The following DUSP9 variants were observed in gnomAD, a reference collection of about 807,000 sequenced individuals.
The protein encoded by DUSP9 is dual specificity phosphatase 9, also known as dual specificity protein phosphatase 9.
DUSP9 carries 4 observed loss-of-function variants against 13.2 expected under a neutral mutation model. The observed-to-expected ratio is 0.30, with a 90% CI of 0.15 to 0.69. The LOEUF (loss-of-function observed/expected upper bound fraction) is 0.69, where lower values mean the gene tolerates loss of function less well. Among genes scored for constraint, DUSP9 ranks in the 30% least tolerant of loss-of-function variants. The pLI is 0.73. For synonymous variants in DUSP9, 166 were observed against 172.3 expected (o/e 0.96, Z 0.29); for missense variants, 263 against 355.0 (o/e 0.74, Z 2.08).
Position 153,650,521 on chromosome X carries a change from G to C in DUSP9, c.*216G>C, listed in dbSNP as rs2091211530. 2.4e-6 allele frequency: 1 copy of C among 412,671 alleles called. No individual in the cohort carries two copies. Among genetic ancestry groups the C allele is most frequent in the African/African-American group, 2.5e-5 (1 of 40,336 alleles). 34.0% of individuals were successfully genotyped at this position (412,671 alleles called of 1,213,427 possible). On this transcript the variant is annotated 3_prime_UTR_variant, in exon 4 of 4. Coordinates refer to ENST00000342782, the MANE Select transcript of DUSP9 (RefSeq NM_001318503.2). ...CTTCTGCGACTGTTACTTTTTCTTT[G>C]CGGGATGGGGGTGGGGGTTCCCTCT...
chrX:153,644,418 G>T (rs1248075473), upstream of DUSP9, among the ~76,000 whole-genome samples: 1 of 107,502 alleles, frequency 9.3e-6, no homozygotes, highest in African/African-American at 3.3e-5. Context: ...GCCTCCCCCA[G>T]CACAGCGCAC....
chrX:153,647,735 A>G (rs1439577472), intron 1 of DUSP9, 184 bp from the exon 2 acceptor site: 4 of 299,321 alleles, frequency 1.3e-5, no homozygotes, highest in Non-Finnish European at 2.3e-5. Flanking sequence ...TTAGCCGCTC[A>G]GCCCTCTTCT....
upstream of DUSP9, among the ~76,000 whole-genome samples, chrX:153,642,836 C>T (rs1053043011): frequency 3.6e-5 from 4 of 110,179 alleles, no homozygotes; most frequent in Non-Finnish European, 7.6e-5. Flanking sequence ...CGGCTGCACA[C>T]TCGCGCGCAT....
chrX:153,648,448 T>C, intron 2 of DUSP9, 122 bp downstream of exon 2: 4 of 838,114 alleles, frequency 4.8e-6, no homozygotes, highest in Non-Finnish European at 6.2e-6. Flanking sequence ...CCAGGCTGCT[T>C]TGAGAGGAGG....
chrX:153,648,476 G>T (rs950449119), intron 2 of DUSP9, 150 bp downstream of exon 2: 1 of 696,190 alleles, frequency 1.4e-6, no homozygotes, highest in Non-Finnish European at 1.9e-6. Context: ...GAGTGTGACC[G>T]TGGGGAAGTT....
chrX:153,647,041 C>T (rs1181950005), upstream of DUSP9, among the ~76,000 whole-genome samples: 1 of 112,664 alleles, frequency 8.9e-6, no homozygotes, highest in Non-Finnish European at 1.9e-5. Context: ...TCTGCCCCGA[C>T]CCCGTCCCGC....
chrX:153,650,576 C>T lies in DUSP9; in HGVS notation c.*271C>T. The T allele has an allele frequency of 2.8e-6, 1 of 351,561 alleles. No individual in the cohort carries two copies. Among genetic ancestry groups the T allele is most frequent in the African/African-American group, 2.6e-5 (1 of 38,918 alleles). 29.0% of individuals were successfully genotyped at this position (351,561 alleles called of 1,213,427 possible). On this transcript the variant is annotated 3_prime_UTR_variant, in exon 4 of 4. Coordinates refer to ENST00000342782, the MANE Select transcript of DUSP9 (RefSeq NM_001318503.2). ...GTGGTTGTCCAGGCCCAGGTCCCGGCCCTGGGTGCTCAGCCAGCTCGGCTA... is the reference window on the plus strand; with the variant it reads ...GTGGTTGTCCAGGCCCAGGTCCCGGTCCTGGGTGCTCAGCCAGCTCGGCTA...
Position 153,650,442 on chromosome X carries a change from G to C in DUSP9, c.*137G>C, listed in dbSNP as rs1235266662. On this transcript the variant is annotated 3_prime_UTR_variant, in exon 4 of 4. Coordinates refer to ENST00000342782, the MANE Select transcript of DUSP9 (RefSeq NM_001318503.2). The stretch of plus-strand genomic sequence containing the variant: ...GGGGGGAGAGCGCAATACCTCACGC[G>C]GGCTGCCGTCCTAATCAACGTGCCT... 2.1e-6 allele frequency: 1 copy of C among 477,461 alleles called. No individual in the cohort carries two copies. The highest frequency in any genetic ancestry group is 3.5e-6 in the Non-Finnish European group (1 of 285,339). The allele number at this position is 477,461 out of a possible 1,213,427, so 39.3% of individuals were successfully genotyped here. A position where few individuals can be genotyped will look rare whatever the true frequency, so the allele number is the denominator to read the frequency against.
At chrX:153,644,051 C>G (rs2091178574), upstream of DUSP9, among the ~76,000 whole-genome samples, 2 of 111,814 alleles carry the variant, frequency 1.8e-5, no homozygotes, top group Non-Finnish European at 3.8e-5. Context: ...GGCAGGCACG[C>G]TGTCGCCGGG....
chrX:153,643,204 C>T (rs73633704), upstream of DUSP9, among the ~76,000 whole-genome samples: 1,306 of 110,485 alleles, frequency 0.012, 15 homozygotes, highest in African/African-American at 0.042. Flanking sequence ...GCATCTCCAA[C>T]GCGCACTCTC....
chrX:153,645,998 T>A (rs1167415885), upstream of DUSP9, among the ~76,000 whole-genome samples: 1 of 112,904 alleles, frequency 8.9e-6, no homozygotes, highest in Non-Finnish European at 1.9e-5. Context: ...CCGCATTCCC[T>A]CCTTCCTGCA....
chrX:153,645,884 A>G (rs2091186184), upstream of DUSP9, among the ~76,000 whole-genome samples: 1 of 112,563 alleles, frequency 8.9e-6, no homozygotes, highest in African/African-American at 3.2e-5. Flanking sequence ...TTTCTAATGC[A>G]GTAGGTGGGA....
rs924912477 is a variant in DUSP9, at chrX:153,650,620, G to A, written c.*315G>A. The A allele has an allele frequency of 2.5e-5, 6 of 243,038 alleles. No individual in the cohort carries two copies. The highest frequency in any genetic ancestry group is 3.7e-5 in the Non-Finnish European group (5 of 136,214). 20.0% of individuals were successfully genotyped at this position (243,038 alleles called of 1,213,427 possible). On this transcript the variant is annotated 3_prime_UTR_variant, in exon 4 of 4. Coordinates refer to ENST00000342782, the MANE Select transcript of DUSP9 (RefSeq NM_001318503.2). The stretch of plus-strand genomic sequence containing the variant: ...TCGGCTAGGCCCTGCGCCTCCCTGC[G>A]CTTCCCCCTTCAGGAAGGGTGTGTG...
At position 153,650,444 on chromosome X, in the gene DUSP9, G is replaced by A; in HGVS notation, c.*139G>A. 2 of 470,299 alleles carry A rather than the reference G, an allele frequency of 4.3e-6. No individual in the cohort carries two copies. The highest frequency in any genetic ancestry group is 7.5e-5 in the East Asian group (2 of 26,767). 38.8% of individuals were successfully genotyped at this position (470,299 alleles called of 1,213,427 possible). The stretch of plus-strand genomic sequence containing the variant: ...GGGGAGAGCGCAATACCTCACGCGG[G>A]CTGCCGTCCTAATCAACGTGCCTAT... On this transcript the variant is annotated 3_prime_UTR_variant, in exon 4 of 4. Coordinates refer to ENST00000342782, the MANE Select transcript of DUSP9 (RefSeq NM_001318503.2).
rs2091215321 is a variant in DUSP9, at chrX:153,651,075, T to A, written c.*770T>A. Reference sequence around the variant, plus strand: ...GGGGCCAAGCTGCAGACACACACAGTCATTCATTTCTGTCCACACCCCTGT... The same window carrying A: ...GGGGCCAAGCTGCAGACACACACAGACATTCATTTCTGTCCACACCCCTGT... On this transcript the variant is annotated 3_prime_UTR_variant, in exon 4 of 4. Transcript: ENST00000342782. 1 of 111,001 alleles carries A rather than the reference T, an allele frequency of 9.0e-6. No homozygotes were observed. The highest frequency in any genetic ancestry group is 1.9e-5 in the Non-Finnish European group (1 of 52,876). The allele number at this position is 111,001 out of a possible 1,213,427, so 9.1% of individuals were successfully genotyped here.
chrX:153,643,275 C>T (rs1284419072), upstream of DUSP9, among the ~76,000 whole-genome samples: 1 of 110,715 alleles, frequency 9.0e-6, no homozygotes, highest in Non-Finnish European at 1.9e-5. Context: ...CTGCCCCGCC[C>T]CCATCACAAA....
In DUSP9 at chrX:153,650,318, G is replaced by A. The variant is rs782338310; in HGVS notation, c.*13G>A. ...GGCCCCCACCTAGGGCCCCGTGGCC[G>A]GCAGGCCGGCCCCTGCCCCACCCCC... is the stretch of plus-strand genomic sequence containing the variant. On this transcript the variant is annotated 3_prime_UTR_variant, in exon 4 of 4. Transcript: ENST00000342782. 4.5e-5 allele frequency: 50 copies of A among 1,123,100 alleles called. No homozygotes were observed. The East Asian group carries it at 1.2e-3, about 26-fold the overall frequency. The allele number at this position is 1,123,100 out of a possible 1,213,427, so 92.6% of individuals were successfully genotyped here. A position where few individuals can be genotyped will look rare whatever the true frequency, so the allele number is the denominator to read the frequency against.
chrX:153,650,048 G>A lies in DUSP9; in HGVS notation c.898G>A (p.Val300Ile). Residue 300 changes from valine to isoleucine, a missense_variant, in exon 4 of 4, where the codon GTC (valine) becomes ATC (isoleucine). Coordinates refer to ENST00000342782, the MANE Select transcript of DUSP9 (RefSeq NM_001318503.2). ...CLAGVSRSVT[V>I]TVAYLMQKLH... ...GGCGGGGGTCAGCCGTTCTGTCACC[G>A]TCACTGTGGCCTACCTCATGCAGAA... is the stretch of plus-strand genomic sequence containing the variant. The A allele has an allele frequency of 2.5e-6, 3 of 1,211,097 alleles. No individual in the cohort carries two copies. Among genetic ancestry groups the A allele is most frequent in the Non-Finnish European group, 2.2e-6 (2 of 895,382 alleles).
At chrX:153,644,222 C>T (rs1456144942), upstream of DUSP9, among the ~76,000 whole-genome samples, 1 of 93,549 alleles carries the variant, frequency 1.1e-5, no homozygotes, top group Non-Finnish European at 2.1e-5. Flanking sequence ...CTGCAGGCGG[C>T]GGCGTCCCCG....
Sources: gnomAD v4.1 joint callset for allele counts (sites outside exome capture counted in the v4.1 genomes callset) on GRCh38, gnomAD v4.1.1 for gene constraint, MANE v1.5 for transcripts, NCBI Gene and HGNC (gene_info 2026-07-23, HGNC 2026-07-21) for gene names.